The following GALNTL6 variants were observed in gnomAD, a reference collection of about 807,000 sequenced individuals.
The protein encoded by GALNTL6 is polypeptide N-acetylgalactosaminyltransferase-like 6.
GALNTL6 carries 46 observed loss-of-function variants against 73.7 expected under a neutral mutation model. The observed-to-expected ratio is 0.62, with a 90% CI of 0.49 to 0.80. The LOEUF is 0.80. GALNTL6 is among the 30% of genes least tolerant of loss of function. The pLI is 0.00. For missense variants in GALNTL6, 604 were observed against 755.0 expected, an observed-to-expected ratio of 0.80 and a Z score of 2.34; for synonymous variants, 259 against 263.7, an observed-to-expected ratio of 0.98 and a Z score of 0.17.
intron 2 of GALNTL6, among the ~76,000 whole-genome samples, chr4:171,856,921 A>G (rs1379875239): frequency 1.3e-5 from 2 of 152,200 alleles, no homozygotes; most frequent in African/African-American, 2.4e-5. Flanking sequence ...TCTTTCTTCA[A>G]TAAATACTTA....
intron 7 of GALNTL6, among the ~76,000 whole-genome samples, chr4:172,836,835 C>T (rs1742934792): frequency 1.3e-5 from 2 of 152,114 alleles, no homozygotes; most frequent in African/African-American, 2.4e-5. Flanking sequence ...GGGTAAGGAA[C>T]ATTGATGATC....
At chr4:172,011,762 G>A (rs956340618) in intron 2 of GALNTL6, among the ~76,000 whole-genome samples, 2 of 151,586 alleles carry the variant, frequency 1.3e-5, no homozygotes, top group South Asian at 2.1e-4. Flanking sequence ...AATATAATAT[G>A]AAATAAAATA....
chr4:172,905,011 A>T (rs770261283), intron 8 of GALNTL6, among the ~76,000 whole-genome samples: 4 of 152,194 alleles, frequency 2.6e-5, no homozygotes, highest in Non-Finnish European at 4.4e-5. Flanking sequence ...TAGAATATTT[A>T]CATTGTATCC....
At chr4:172,745,521 G>T (rs950088958) in intron 5 of GALNTL6, among the ~76,000 whole-genome samples, 6 of 151,582 alleles carry the variant, frequency 4.0e-5, no homozygotes, top group Admixed American at 1.3e-4. Context: ...CTGACCAGCA[G>T]TGTGAAGAAT....
At chr4:172,327,841 A>G (rs1043453562) in intron 4 of GALNTL6, among the ~76,000 whole-genome samples, 1 of 151,816 alleles carries the variant, frequency 6.6e-6, no homozygotes, top group African/African-American at 2.4e-5. Flanking sequence ...TGCTTTTTTT[A>G]TACAGCTTGC....
intron 2 of GALNTL6, among the ~76,000 whole-genome samples, chr4:172,178,088 A>C (rs1735105103): frequency 6.6e-6 from 1 of 151,862 alleles, no homozygotes. Context: ...TTGGAGCAAA[A>C]AGACTTAAAC....
At chr4:171,841,841 A>G (rs1735247188) in intron 2 of GALNTL6, among the ~76,000 whole-genome samples, 1 of 152,130 alleles carries the variant, frequency 6.6e-6, no homozygotes, top group Non-Finnish European at 1.5e-5. Flanking sequence ...AACTAAGTAT[A>G]GCAATGTCCT....
intron 2 of GALNTL6, among the ~76,000 whole-genome samples, chr4:171,855,328 A>G (rs751696797): frequency 2.0e-5 from 3 of 152,162 alleles, no homozygotes; most frequent in Admixed American, 6.5e-5. Context: ...TACTGTCTCT[A>G]TAGTTTTACC....
chr4:172,617,154 C>T (rs184994791), intron 5 of GALNTL6, among the ~76,000 whole-genome samples: 10 of 151,442 alleles, frequency 6.6e-5, no homozygotes, highest in Middle Eastern at 3.4e-3. Context: ...TGTGTGTGTG[C>T]GTAATTATAA....
intron 3 of GALNTL6, among the ~76,000 whole-genome samples, chr4:172,255,686 C>T (rs935801819): frequency 6.6e-6 from 1 of 151,362 alleles, no homozygotes; most frequent in Admixed American, 6.6e-5. Flanking sequence ...ATACACCAAA[C>T]CTTAGCAGTG....
intron 5 of GALNTL6, among the ~76,000 whole-genome samples, chr4:172,442,588 A>ATTTC (rs1411948467): frequency 5.9e-5 from 9 of 152,184 alleles, no homozygotes; most frequent in Non-Finnish European, 1.0e-4. Flanking sequence ...CTCAACAAGA[A>ATTTC]AGGACAACAA....
At chr4:171,934,028 C>A (rs1022065984) in intron 2 of GALNTL6, among the ~76,000 whole-genome samples, 1 of 152,156 alleles carries the variant, frequency 6.6e-6, no homozygotes, top group Non-Finnish European at 1.5e-5. Context: ...AAGTTTTTGG[C>A]TTCATTAACT....
chr4:172,537,650 G>T (rs968027764), intron 5 of GALNTL6, among the ~76,000 whole-genome samples: 1 of 151,564 alleles, frequency 6.6e-6, no homozygotes, highest in African/African-American at 2.4e-5. Context: ...GTTTGTCTAA[G>T]TTTTTTTTTA....
rs943959440 is a variant in GALNTL6 at position 172,413,233 on chromosome 4, A to G, written c.553+64544A>G. 2.6e-5 allele frequency among the ~76,000 whole-genome samples: 4 copies of G among 152,230 alleles called. No individual in the cohort carries two copies. In the East Asian group the frequency reaches 7.7e-4, roughly 29 times the overall value. On this transcript the variant is annotated intron_variant, in intron 5 of 12. Coordinates refer to ENST00000506823, the MANE Select transcript of GALNTL6 (RefSeq NM_001034845.3). ...AGTAAGTTTCTGTCACTCCAAAGAA[A>G]GGAAAAAAGATACTGCATTGGCAAC...
chr4:172,489,163 A>T (rs1733808653), intron 5 of GALNTL6, among the ~76,000 whole-genome samples: 1 of 152,196 alleles, frequency 6.6e-6, no homozygotes, highest in Non-Finnish European at 1.5e-5. Context: ...AGTATTACAG[A>T]TACCTGGAAA....
At chr4:171,852,933 G>A (rs894088852) in intron 2 of GALNTL6, among the ~76,000 whole-genome samples, 2 of 151,332 alleles carry the variant, frequency 1.3e-5, no homozygotes, top group Admixed American at 6.6e-5. Context: ...TGCAAGCTCC[G>A]CCTCCTGGGT....
At chr4:171,901,392 C>T (rs1361580114) in intron 2 of GALNTL6, among the ~76,000 whole-genome samples, 4 of 152,160 alleles carry the variant, frequency 2.6e-5, no homozygotes, top group Admixed American at 2.0e-4. Flanking sequence ...CAACTAGACA[C>T]CTACCACCAG....
At chr4:172,196,500 A>G (rs1331787291) in intron 2 of GALNTL6, among the ~76,000 whole-genome samples, 1 of 152,152 alleles carries the variant, frequency 6.6e-6, no homozygotes, top group Non-Finnish European at 1.5e-5. Context: ...CAAAAAAAGA[A>G]AACTTCAGGC....
At chr4:172,357,918 A>C (rs1256035022) in intron 5 of GALNTL6, among the ~76,000 whole-genome samples, 1 of 152,156 alleles carries the variant, frequency 6.6e-6, no homozygotes, top group African/African-American at 2.4e-5. Context: ...GTGGAGACAC[A>C]TTTTGAGTTT....
Sources: gnomAD v4.1 joint callset for allele counts (sites outside exome capture counted in the v4.1 genomes callset) on GRCh38, gnomAD v4.1.1 for gene constraint, MANE v1.5 for transcripts, NCBI Gene and HGNC (gene_info 2026-07-23, HGNC 2026-07-21) for gene names.